MID1: variants seen among roughly 807,000 people sequenced by gnomAD.
The protein encoded by MID1 is midline 1, also known as E3 ubiquitin-protein ligase Midline-1.
A neutral mutation model predicts 40.4 loss-of-function variants in MID1; 7 were observed. That is an observed-to-expected ratio of 0.17 (90% CI 0.10 to 0.33). The LOEUF is 0.33. Among genes scored for constraint, MID1 ranks in the 10% least tolerant of loss-of-function variants. The pLI, the probability that MID1 is intolerant of heterozygous loss-of-function variation, is 1.00. For synonymous variants in MID1, 229 were observed against 221.2 expected (o/e 1.04, Z -0.31); for missense variants, 367 against 558.5 (o/e 0.66, Z 3.46).
intron 2 of MID1, among the ~76,000 whole-genome samples, chrX:10,547,572 C>CAAAA (rs1171938473): frequency 1.4e-4 from 2 of 14,495 alleles, no homozygotes; most frequent in Non-Finnish European, 2.6e-4. Context: ...GACTCTGTCT[C>CAAAA]AAAAAAAAAA....
chrX:10,663,018 A>T (rs1408396596), intron 1 of MID1, among the ~76,000 whole-genome samples: 2 of 112,218 alleles, frequency 1.8e-5, no homozygotes, highest in Admixed American at 9.4e-5. Flanking sequence ...AATAGGAGTT[A>T]GTTAATTCTT....
At chrX:10,486,043 A>C (rs6639016) in intron 4 of MID1, among the ~76,000 whole-genome samples, 7,730 of 111,546 alleles carry the variant, frequency 0.069, 563 homozygotes, top group African/African-American at 0.21. Context: ...CCGACTACTG[A>C]AAAAAAGAAG....
rs1373430724 is a variant in MID1 at position 10,474,632 on chromosome X, A to G, written c.1132T>C (p.Tyr378His). 1.7e-6 allele frequency: 2 copies of G among 1,209,875 alleles called. No homozygotes were observed. The change falls in exon 6 of 10, where the codon TAC becomes CAC. Residue 378 changes from tyrosine to histidine, a missense_variant. By Grantham distance (83) the Tyr-to-His change is moderately conservative. Transcript: ENST00000317552. ...REKKLLECLD[Y>H]LTAPNPPTIR... The stretch of plus-strand genomic sequence containing the variant: ...ACATAAAAGACAATACCTGTAAGGT[A>G]ATCCAGACATTCTAGCAGTTTCTTC...
chrX:10,730,008 T>C (rs1480427493), intron 1 of MID1, among the ~76,000 whole-genome samples: 6 of 107,315 alleles, frequency 5.6e-5, no homozygotes, highest in Non-Finnish European at 1.2e-4. Flanking sequence ...GGCGTGAACC[T>C]GGTAGGCGGA....
At chrX:10,623,229 C>T (rs1264775091), upstream of MID1, among the ~76,000 whole-genome samples, 10 of 93,688 alleles carry the variant, frequency 1.1e-4, no homozygotes, top group East Asian at 3.3e-4. Flanking sequence ...CCAGCCTGGG[C>T]GACAAATAAG....
chrX:10,719,853 C>T (rs749954574), intron 1 of MID1, among the ~76,000 whole-genome samples: 2,092 of 111,034 alleles, frequency 0.019, 51 homozygotes, highest in African/African-American at 0.065. Flanking sequence ...AACAGAGATA[C>T]AGACCAATGG....
At chrX:10,815,519 G>A (rs1386087461) in intron 1 of MID1, among the ~76,000 whole-genome samples, 1 of 112,298 alleles carries the variant, frequency 8.9e-6, no homozygotes, top group Non-Finnish European at 1.9e-5. Flanking sequence ...AGTCTTACGT[G>A]GCTTCTTCAC....
chrX:10,589,184 A>G (rs1487208068), intron 1 of MID1, among the ~76,000 whole-genome samples: 1 of 112,027 alleles, frequency 8.9e-6, no homozygotes, highest in Non-Finnish European at 1.9e-5. Context: ...ACCAAAACTA[A>G]GCAATCCAGG....
intron 1 of MID1, among the ~76,000 whole-genome samples, chrX:10,588,902 T>A (rs1479081412): frequency 8.9e-6 from 1 of 111,845 alleles, no homozygotes; most frequent in African/African-American, 3.3e-5. Context: ...TGCTGGCCAG[T>A]CTATTTCACA....
chrX:10,567,206 G>A lies in MID1; in HGVS notation c.342C>T (p.Ala114=), dbSNP rs765698306. 3.6e-5 allele frequency: 43 copies of A among 1,209,538 alleles called. No homozygotes were observed. The highest frequency in any genetic ancestry group is 3.8e-5 in the Non-Finnish European group (34 of 895,004). Residue 114 remains alanine, a synonymous_variant, in exon 2 of 10, where the codon GCC becomes GCT. Coordinates refer to ENST00000317552, the MANE Select transcript of MID1 (RefSeq NM_000381.4). ...RAFDANTMTS[A]EKVLCQFCDQ... Reference sequence around the variant, plus strand: ...CACAAAACTGGCAGAGGACCTTCTCGGCGGAGGTCATGGTGTTGGCGTCAA... The same window carrying A: ...CACAAAACTGGCAGAGGACCTTCTCAGCGGAGGTCATGGTGTTGGCGTCAA...
At chrX:10,480,656 A>C (rs1029305898) in intron 5 of MID1, among the ~76,000 whole-genome samples, 6 of 111,828 alleles carry the variant, frequency 5.4e-5, no homozygotes, top group Admixed American at 2.9e-4. Flanking sequence ...AAACATTTGG[A>C]ACCAAGGAAT....
At chrX:10,682,882 C>A (rs1437433818) in intron 1 of MID1, among the ~76,000 whole-genome samples, 2 of 111,787 alleles carry the variant, frequency 1.8e-5, no homozygotes, top group African/African-American at 6.5e-5. Flanking sequence ...GTCAGATTAC[C>A]TCTCTGGTAA....
intron 1 of MID1, among the ~76,000 whole-genome samples, chrX:10,714,048 A>C (rs373497144): frequency 7.1e-5 from 8 of 111,946 alleles, no homozygotes; most frequent in Non-Finnish European, 1.3e-4. Flanking sequence ...TCCAGTTACC[A>C]CTGCAGCACC....
At chrX:10,577,074 A>G (rs973624236) in intron 1 of MID1, 2 of 112,208 alleles carry the variant, frequency 1.8e-5, no homozygotes, top group Non-Finnish European at 3.8e-5. Flanking sequence ...GGCCTACTCA[A>G]TGTTCAACTG....
intron 1 of MID1, among the ~76,000 whole-genome samples, chrX:10,718,623 G>A (rs1474358161): frequency 2.7e-5 from 3 of 111,654 alleles, no homozygotes; most frequent in Non-Finnish European, 5.6e-5. Flanking sequence ...GAGGTACAAG[G>A]AGGAGCTAGT....
intron 3 of MID1, among the ~76,000 whole-genome samples, chrX:10,504,245 C>T (rs1931707217): frequency 9.0e-6 from 1 of 110,538 alleles, no homozygotes; most frequent in Non-Finnish European, 1.9e-5. Flanking sequence ...AGGAAAATAA[C>T]ATTTGTTACC....
chrX:10,753,662 A>T (rs1019318635), intron 1 of MID1, among the ~76,000 whole-genome samples: 35 of 111,820 alleles, frequency 3.1e-4, no homozygotes, highest in African/African-American at 1.1e-3. Context: ...AAAAAATTTT[A>T]AAAATGACTA....
intron 1 of MID1, among the ~76,000 whole-genome samples, chrX:10,699,454 GA>G (rs778960902): frequency 8.9e-6 from 1 of 112,191 alleles, no homozygotes; most frequent in South Asian, 3.7e-4. Flanking sequence ...GTCCTTTTGA[GA>G]AACCGTTCCA....
chrX:10,476,977 C>T (rs1415458683), intron 5 of MID1, among the ~76,000 whole-genome samples: 2 of 112,463 alleles, frequency 1.8e-5, no homozygotes, highest in Non-Finnish European at 3.8e-5. Flanking sequence ...GGATTATTCT[C>T]AACAAATATT....
Sources: gnomAD v4.1 joint callset for allele counts (sites outside exome capture counted in the v4.1 genomes callset) on GRCh38, gnomAD v4.1.1 for gene constraint, MANE v1.5 for transcripts, NCBI Gene and HGNC (gene_info 2026-07-23, HGNC 2026-07-21) for gene names.